Variants in PCDHA3 observed in about 807,000 individuals in gnomAD.
PCDHA3 encodes protocadherin alpha 3.
PCDHA3 carries 41 observed loss-of-function variants against 62.2 expected under a neutral mutation model. That is an observed-to-expected ratio of 0.66 (90% CI 0.51 to 0.86). The LOEUF (loss-of-function observed/expected upper bound fraction) is 0.86, where lower values mean the gene tolerates loss of function less well. Ranked by LOEUF, PCDHA3 falls within the 40% of genes least tolerant of loss-of-function variation. The pLI, the probability that PCDHA3 is intolerant of heterozygous loss-of-function variation, is 0.00. For synonymous variants in PCDHA3, 640 were observed against 555.4 expected (o/e 1.15, Z -2.14); for missense variants, 1,304 against 1,241.2 (o/e 1.05, Z -0.76).
chr5:140,833,755 C>CAT (rs1554133952), intron 1 of PCDHA3, among the ~76,000 whole-genome samples: 1 of 151,932 alleles, frequency 6.6e-6, no homozygotes, highest in East Asian at 1.9e-4. Context: ...AAAGAAAACA[C>CAT]ACACACACAC....
chr5:140,927,814 G>GCATA (rs1554205103), intron 1 of PCDHA3: 1 of 1,614,172 alleles, frequency 6.2e-7, no homozygotes, highest in Non-Finnish European at 8.5e-7. Context: ...GCTCTTGGAG[G>GCATA]CATACATTGA....
Position 140,959,365 on chromosome 5 carries a change from C to A in PCDHA3, c.2395-19584C>A, listed in dbSNP as rs77362755. On this transcript the variant is annotated intron_variant, in intron 1 of 3. Transcript: ENST00000522353. ...ACTCCAGCGGGACAACTGAGTGAGA[C>A]CCTGTCTCAAAAAAAAAAGTCACAA... Among the ~76,000 whole-genome samples the A allele has an allele frequency of 1.0e-3, 158 of 151,880 alleles. 5 individuals carry two copies. In the East Asian group the frequency reaches 0.028, roughly 27 times the overall value.
chr5:140,997,668 TTGTGTGTG>T (rs35184029), intron 3 of PCDHA3, among the ~76,000 whole-genome samples: 1 of 148,244 alleles, frequency 6.7e-6, no homozygotes, highest in Non-Finnish European at 1.5e-5. Context: ...ATTATACAGC[TTGTGTGTG>T]TGTGTGTGTG....
chr5:140,918,494 G>A (rs1252984580), intron 1 of PCDHA3, among the ~76,000 whole-genome samples: 2 of 152,098 alleles, frequency 1.3e-5, no homozygotes, highest in Non-Finnish European at 2.9e-5. Context: ...GCTTTGGATG[G>A]TACCAATCCT....
In PCDHA3 at chr5:140,964,303, C is replaced by T. The variant is rs947126454; in HGVS notation, c.2395-14646C>T. Among the ~76,000 whole-genome samples the T allele has an allele frequency of 9.2e-5, 14 of 152,208 alleles. 1 individual carries two copies. Among genetic ancestry groups the T allele is most frequent in the Non-Finnish European group, 2.9e-5 (2 of 68,038 alleles). On this transcript the variant is annotated intron_variant, in intron 1 of 3. Coordinates refer to ENST00000522353, the MANE Select transcript of PCDHA3 (RefSeq NM_018906.3). ...AATTCTAGCTGGAGCTAAATACCTA[C>T]AAGGCCTAAAACAGCATAATGGACA... is the stretch of plus-strand genomic sequence containing the variant.
intron 1 of PCDHA3, among the ~76,000 whole-genome samples, chr5:140,937,624 A>G (rs2091636613): frequency 6.6e-6 from 1 of 150,778 alleles, no homozygotes; most frequent in Non-Finnish European, 1.5e-5. Context: ...CTAAAAAGAA[A>G]AAGAAAGGCA....
chr5:140,986,853 A>G (rs1424493333), intron 3 of PCDHA3, among the ~76,000 whole-genome samples: 3 of 152,206 alleles, frequency 2.0e-5, no homozygotes, highest in Admixed American at 6.5e-5. Flanking sequence ...AGCAACACCA[A>G]CAATACCCGG....
chr5:140,927,037 G>T lies in PCDHA3; in HGVS notation c.2395-51912G>T, dbSNP rs782765718. On this transcript the variant is annotated intron_variant, in intron 1 of 3. Coordinates refer to ENST00000522353, the MANE Select transcript of PCDHA3 (RefSeq NM_018906.3). ...CGCGGACTTGAGGCTGCCAGCGGCC[G>T]CTATGTCCTCGCGGAACTTTCGCTT... The T allele has an allele frequency of 3.7e-6, 6 of 1,612,000 alleles. No homozygotes were observed. The Admixed American group carries it at 6.7e-5, about 18-fold the overall frequency.
chr5:140,883,520 G>A (rs1554178526), intron 1 of PCDHA3: 1 of 1,614,222 alleles, frequency 6.2e-7, no homozygotes, highest in Non-Finnish European at 8.5e-7. Context: ...CCGCGAGAGC[G>A]TATCAGCCTA....
intron 1 of PCDHA3, chr5:140,855,906 C>G (rs1442009275): frequency 3.5e-6 from 4 of 1,137,256 alleles, no homozygotes; most frequent in Non-Finnish European, 3.7e-6. Context: ...CAGCCAGTTT[C>G]TCAAGGACTA....
At chr5:140,818,148 C>T (rs1031950816) in intron 1 of PCDHA3, among the ~76,000 whole-genome samples, 23 of 152,282 alleles carry the variant, frequency 1.5e-4, no homozygotes, top group African/African-American at 2.6e-4. Context: ...CCTTCAAATA[C>T]GGCTTCTACT....
At chr5:140,811,618 G>T (rs1044460838) in intron 1 of PCDHA3, 1 of 152,134 alleles carries the variant, frequency 6.6e-6, no homozygotes, top group Non-Finnish European at 1.5e-5. Flanking sequence ...TCCCACCAAC[G>T]GTGTAAAAGC....
At chr5:140,866,196 T>C (rs1176237600) in intron 1 of PCDHA3, 3 of 152,160 alleles carry the variant, frequency 2.0e-5, no homozygotes, top group African/African-American at 7.2e-5. Context: ...AACTGTGGTT[T>C]CCAATATCCT....
At chr5:140,858,554 A>T in intron 1 of PCDHA3, 1 of 1,391,946 alleles carries the variant, frequency 7.2e-7, no homozygotes, top group Non-Finnish European at 9.9e-7. Flanking sequence ...TTTATGCTTG[A>T]ATATTTCTAG....
chr5:140,937,322 C>T (rs2091472402), intron 1 of PCDHA3, among the ~76,000 whole-genome samples: 1 of 152,084 alleles, frequency 6.6e-6, no homozygotes, highest in Non-Finnish European at 1.5e-5. Context: ...CAGGCGTGAG[C>T]CACCGCGCCC....
chr5:140,882,335 GCCTGGGAGACGGGTAGTGGCCAGCT>G (rs1554173599), intron 1 of PCDHA3: 11 of 1,614,078 alleles, frequency 6.8e-6, no homozygotes, highest in Non-Finnish European at 9.3e-6. Flanking sequence ...GATCCTCGCA[GCCTGGGAGACGGGTAGTGGCCAGCT>G]CCACTACTCC....
chr5:140,969,238 A>G, intron 1 of PCDHA3: 3 of 1,614,222 alleles, frequency 1.9e-6, no homozygotes, highest in South Asian at 1.1e-5. Flanking sequence ...GAGCCCAAGC[A>G]GCAGTGACTG....
rs539262034 is a variant in PCDHA3, at chr5:140,801,500, G to A, written c.303G>A (p.Glu101=). ...DREELCGRSA[E]CSIHLEVIVD... ...AGGAACTGTGCGGGCGGAGCGCGGA[G>A]TGCAGCATCCACCTGGAGGTGATCG... is the stretch of plus-strand genomic sequence containing the variant. The change falls in exon 1 of 4, where the codon GAG becomes GAA. Residue 101 remains glutamate, a synonymous_variant. Transcript: ENST00000522353. 6 of 1,614,066 alleles carry A rather than the reference G, an allele frequency of 3.7e-6. No individual in the cohort carries two copies. The Admixed American group carries it at 1.0e-4, about 27-fold the overall frequency.
At chr5:140,992,820 TG>T (rs1554253214) in intron 3 of PCDHA3, among the ~76,000 whole-genome samples, 1 of 152,164 alleles carries the variant, frequency 6.6e-6, no homozygotes, top group Non-Finnish European at 1.5e-5. Flanking sequence ...AGGATGTGTT[TG>T]TTTTTTGGGA....
Sources: gnomAD v4.1 joint callset for allele counts (sites outside exome capture counted in the v4.1 genomes callset) on GRCh38, gnomAD v4.1.1 for gene constraint, MANE v1.5 for transcripts, NCBI Gene and HGNC (gene_info 2026-07-23, HGNC 2026-07-21) for gene names.